Variants in PRLR observed in about 807,000 individuals in gnomAD.
PRLR encodes prolactin receptor.
A neutral mutation model predicts 40.2 loss-of-function variants in PRLR; 13 were observed. That is an observed-to-expected ratio of 0.32 (90% CI 0.21 to 0.51). The LOEUF is 0.51. Among genes scored for constraint, PRLR ranks in the 20% least tolerant of loss-of-function variants. The probability of loss-of-function intolerance (pLI) is 0.97; values close to 1 mark genes in which losing one functional copy is unlikely to be tolerated. For synonymous variants in PRLR, 269 were observed against 278.7 expected (o/e 0.97, Z 0.35); for missense variants, 656 against 747.3 (o/e 0.88, Z 1.42).
At chr5:35,208,691 A>C (rs1269813265) in intron 1 of PRLR, among the ~76,000 whole-genome samples, 1 of 152,204 alleles carries the variant, frequency 6.6e-6, no homozygotes, top group Non-Finnish European at 1.5e-5. Flanking sequence ...TATTTATAAC[A>C]AGTATTATGG....
chr5:35,058,041 A>G lies in PRLR; in HGVS notation c.*7048T>C, dbSNP rs1768816607. 2.6e-5 allele frequency: 4 copies of G among 152,122 alleles called. No homozygotes were observed. The highest frequency in any genetic ancestry group is 4.8e-5 in the African/African-American group (2 of 41,438). 9.4% of individuals were successfully genotyped at this position (152,122 alleles called of 1,614,324 possible). Reference sequence around the variant, plus strand: ...ATGACTTACTAAGTATTCTTTCTGAATCTTTCTTGCAGCCGGTTTTTATAA... The same window carrying G: ...ATGACTTACTAAGTATTCTTTCTGAGTCTTTCTTGCAGCCGGTTTTTATAA... On this transcript the variant is annotated 3_prime_UTR_variant, in exon 10 of 10. Coordinates refer to ENST00000618457, the MANE Select transcript of PRLR (RefSeq NM_000949.7).
At chr5:35,116,018 T>C (rs566222299) in intron 2 of PRLR, among the ~76,000 whole-genome samples, 4 of 152,318 alleles carry the variant, frequency 2.6e-5, no homozygotes, top group African/African-American at 9.6e-5. Context: ...TGGATGACCA[T>C]GCAACTGCTT....
At chr5:35,102,039 G>A (rs1015036774) in intron 2 of PRLR, among the ~76,000 whole-genome samples, 8 of 151,738 alleles carry the variant, frequency 5.3e-5, no homozygotes, top group South Asian at 4.2e-4. Flanking sequence ...CCTGTTGGCC[G>A]GGGTGGTCTC....
At chr5:35,089,512 C>T in intron 3 of PRLR, 39 bp downstream of exon 3, 1 of 1,442,810 alleles carries the variant, frequency 6.9e-7, no homozygotes, top group South Asian at 1.1e-5. Context: ...TGACAAACAC[C>T]CCAGGCAATG....
rs765998296 is a variant in PRLR, at chr5:35,156,127, T to TAAAAAAAA, written c.-105-38013_-105-38006dup. On this transcript the variant is annotated intron_variant, in intron 1 of 9. Transcript: ENST00000618457. ...TCTCCATCTCTCCAGTTGCTCAAGA[T>TAAAAAAAA]AAAAAAAAAAAACAAAAAAAAAAAC... Among the ~76,000 whole-genome samples the TAAAAAAAA allele has an allele frequency of 1.8e-4, 19 of 103,790 alleles. 1 individual carries two copies. Among genetic ancestry groups the TAAAAAAAA allele is most frequent in the African/African-American group, 5.9e-4 (16 of 27,052 alleles). 68.1% of individuals were successfully genotyped at this position (103,790 alleles called of 152,430 possible). A position where few individuals can be genotyped will look rare whatever the true frequency, so the allele number is the denominator to read the frequency against.
chr5:35,070,078 T>A, intron 7 of PRLR, 46 bp downstream of exon 7: 1 of 1,575,584 alleles, frequency 6.3e-7, no homozygotes, highest in Non-Finnish European at 8.6e-7. Flanking sequence ...ATATACCATT[T>A]AAAACATATT....
intron 2 of PRLR, among the ~76,000 whole-genome samples, chr5:35,103,617 T>C (rs1346519179): frequency 6.6e-6 from 1 of 152,236 alleles, no homozygotes; most frequent in Non-Finnish European, 1.5e-5. Flanking sequence ...GTTAGTCAAT[T>C]TCTTTTTATC....
rs115652399 is a variant in PRLR at position 35,167,736 on chromosome 5, G to A, written c.-105-49614C>T. ...AGTTAACTTAAGTAGACTGTAATGA[G>A]TGAAAGATGGATGCTATAATCCCTG... is the stretch of plus-strand genomic sequence containing the variant. On this transcript the variant is annotated intron_variant, in intron 1 of 9. Transcript: ENST00000618457. Among the ~76,000 whole-genome samples, 806 of 152,162 alleles carry A rather than the reference G, an allele frequency of 5.3e-3. 10 individuals carry two copies. The highest frequency in any genetic ancestry group is 0.019 in the African/African-American group (781 of 41,536).
intron 5 of PRLR, among the ~76,000 whole-genome samples, chr5:35,083,784 C>T (rs1770677440): frequency 7.4e-6 from 1 of 135,116 alleles, no homozygotes; most frequent in Non-Finnish European, 1.6e-5. Flanking sequence ...TCCCAAAGTA[C>T]TGGCATTACA....
chr5:35,114,130 G>C (rs1394008622), intron 2 of PRLR, among the ~76,000 whole-genome samples: 1 of 152,176 alleles, frequency 6.6e-6, no homozygotes, highest in Non-Finnish European at 1.5e-5. Flanking sequence ...TTTGCAGCAT[G>C]ATCCATGGGT....
intron 1 of PRLR, among the ~76,000 whole-genome samples, chr5:35,220,181 G>A (rs975916408): frequency 3.3e-5 from 5 of 152,144 alleles, no homozygotes; most frequent in African/African-American, 9.7e-5. Context: ...CTCCCAATGA[G>A]TTAGGATGTT....
chr5:35,166,549 T>C (rs114405500), intron 1 of PRLR, among the ~76,000 whole-genome samples: 167 of 152,290 alleles, frequency 1.1e-3, no homozygotes, highest in Admixed American at 2.1e-3. Context: ...GCTGGGATGG[T>C]TGAGCCTTTG....
At chr5:35,168,750 G>C (rs1002924527) in intron 1 of PRLR, among the ~76,000 whole-genome samples, 1 of 151,886 alleles carries the variant, frequency 6.6e-6, no homozygotes, top group Admixed American at 6.6e-5. Flanking sequence ...AAATAGCCCT[G>C]GGAAGTTTGA....
At chr5:35,177,421 T>G (rs534129324) in intron 1 of PRLR, among the ~76,000 whole-genome samples, 23 of 152,110 alleles carry the variant, frequency 1.5e-4, no homozygotes, top group Non-Finnish European at 3.4e-4. Flanking sequence ...TTAAAACATT[T>G]TTTTCACCAC....
At chr5:35,153,721 C>T (rs1774404160) in intron 1 of PRLR, among the ~76,000 whole-genome samples, 1 of 146,148 alleles carries the variant, frequency 6.8e-6, no homozygotes, top group Non-Finnish European at 1.5e-5. Context: ...CCATTGTACA[C>T]ACACACACAC....
chr5:35,072,003 C>T (rs1029172531), intron 6 of PRLR, among the ~76,000 whole-genome samples: 21 of 152,116 alleles, frequency 1.4e-4, no homozygotes, highest in Non-Finnish European at 1.9e-4. Context: ...TCAAGAGATT[C>T]TCCTGCTTCA....
chr5:35,150,891 G>A (rs1006594769), intron 1 of PRLR, among the ~76,000 whole-genome samples: 5 of 152,162 alleles, frequency 3.3e-5, no homozygotes, highest in African/African-American at 1.2e-4. Flanking sequence ...ATGGTGTTTT[G>A]GCGGGGAGCA....
chr5:35,185,602 A>G (rs1451640809), intron 1 of PRLR, among the ~76,000 whole-genome samples: 1 of 152,242 alleles, frequency 6.6e-6, no homozygotes, highest in Admixed American at 6.5e-5. Context: ...GGAGCCTTAC[A>G]GCAAGACCTA....
intron 1 of PRLR, among the ~76,000 whole-genome samples, chr5:35,184,934 T>G (rs936202880): frequency 6.6e-6 from 1 of 152,244 alleles, no homozygotes; most frequent in Non-Finnish European, 1.5e-5. Flanking sequence ...TGGTTTAGAA[T>G]GATAATATTT....
Sources: gnomAD v4.1 joint callset for allele counts (sites outside exome capture counted in the v4.1 genomes callset) on GRCh38, gnomAD v4.1.1 for gene constraint, MANE v1.5 for transcripts, NCBI Gene and HGNC (gene_info 2026-07-23, HGNC 2026-07-21) for gene names.